Variants in ITGB6 observed in about 807,000 individuals in gnomAD.
The protein encoded by ITGB6 is integrin subunit beta 6.
Under a neutral mutation model 84.5 loss-of-function variants are expected in ITGB6, and 80 were observed. The observed-to-expected ratio is 0.95, with a 90% CI of 0.79 to 1.14. The LOEUF (loss-of-function observed/expected upper bound fraction) is 1.14. ITGB6 is among the 50% of genes most tolerant of loss of function. The probability of loss-of-function intolerance (pLI) is 0.00; values close to 1 mark genes in which losing one functional copy is unlikely to be tolerated. For synonymous variants in ITGB6, 383 were observed against 354.9 expected (o/e 1.08, Z -0.89); for missense variants, 1,006 against 968.0 (o/e 1.04, Z -0.52).
At chr2:160,154,145 G>C (rs1416107646) in intron 7 of ITGB6, among the ~76,000 whole-genome samples, 1 of 152,154 alleles carries the variant, frequency 6.6e-6, no homozygotes, top group Non-Finnish European at 1.5e-5. Context: ...TATGTTTATT[G>C]TGGCACTATT....
chr2:160,176,622 G>A (rs1026433326), intron 4 of ITGB6, among the ~76,000 whole-genome samples: 1 of 152,150 alleles, frequency 6.6e-6, no homozygotes, highest in African/African-American at 2.4e-5. Flanking sequence ...AATACAGCAC[G>A]ATGAGCTTTT....
chr2:160,199,785 A>G (rs1686485215), intron 1 of ITGB6, among the ~76,000 whole-genome samples: 1 of 152,242 alleles, frequency 6.6e-6, no homozygotes, highest in Non-Finnish European at 1.5e-5. Context: ...CCTCATTAAA[A>G]TGCCTGTGCA....
chr2:160,180,600 G>T lies in ITGB6; in HGVS notation c.594-6461C>A, dbSNP rs115078097. ...TGAGACCTTGCAGGAGGTCCTTCAC[G>T]TTAAACTATTTTCACAGTAATTCAG... On this transcript the variant is annotated intron_variant, in intron 4 of 14. Transcript: ENST00000283249. 8.1e-3 allele frequency among the ~76,000 whole-genome samples: 1,228 copies of T among 152,282 alleles called. 28 individuals carry two copies. Among genetic ancestry groups the T allele is most frequent in the African/African-American group, 0.028 (1,166 of 41,552 alleles).
chr2:160,184,139 C>A (rs907693653), intron 4 of ITGB6, among the ~76,000 whole-genome samples: 3 of 152,082 alleles, frequency 2.0e-5, no homozygotes, highest in African/African-American at 7.2e-5. Flanking sequence ...TAGAGCAGAA[C>A]TGAAGGAGAT....
chr2:160,139,697 G>A (rs1412446414), intron 8 of ITGB6, among the ~76,000 whole-genome samples: 1 of 152,102 alleles, frequency 6.6e-6, no homozygotes, highest in Non-Finnish European at 1.5e-5. Context: ...CCCAAGGAAA[G>A]GACATAAACA....
chr2:160,189,201 T>C (rs1409249773), intron 4 of ITGB6, among the ~76,000 whole-genome samples: 2 of 152,166 alleles, frequency 1.3e-5, no homozygotes, highest in African/African-American at 4.8e-5. Context: ...CAAAAATTAA[T>C]TCAAGATGGA....
Position 160,100,596 on chromosome 2 carries a change from T to C in ITGB6, c.*1140A>G, listed in dbSNP as rs1214229970. ...GGAGTAATAACCACAAGAAATAATA[T>C]TCTAGAGTCCATCTCTTCCATCAAC... On this transcript the variant is annotated 3_prime_UTR_variant, in exon 15 of 15. Transcript: ENST00000283249. The C allele has an allele frequency of 2.0e-5, 3 of 151,666 alleles. No homozygotes were observed. The highest frequency in any genetic ancestry group is 4.8e-5 in the African/African-American group (2 of 41,426). The allele number at this position is 151,666 out of a possible 1,614,324, so 9.4% of individuals were successfully genotyped here. A position where few individuals can be genotyped will look rare whatever the true frequency, so the allele number is the denominator to read the frequency against.
At chr2:160,119,038 A>T (rs1338885585) in intron 12 of ITGB6, among the ~76,000 whole-genome samples, 1 of 152,172 alleles carries the variant, frequency 6.6e-6, no homozygotes, top group African/African-American at 2.4e-5. Context: ...ATGGAAGAAC[A>T]TTCCATGCTC....
At chr2:160,178,305 A>T (rs1685517439) in intron 4 of ITGB6, among the ~76,000 whole-genome samples, 1 of 152,238 alleles carries the variant, frequency 6.6e-6, no homozygotes, top group Non-Finnish European at 1.5e-5. Flanking sequence ...GTATGTAATC[A>T]TGTTAGGTAC....
In ITGB6 at chr2:160,195,498, A is replaced by C. The variant is rs1365638497; in HGVS notation, c.464T>G (p.Leu155Arg). The change falls in exon 4 of 15, where the codon CTG (leucine) becomes CGG (arginine). Residue 155 changes from leucine (L) to arginine (R), a missense_variant. By Grantham distance (102) the Leu-to-Arg change is moderately radical. Coordinates refer to ENST00000283249, the MANE Select transcript of ITGB6 (RefSeq NM_000888.5). Reference sequence around the variant, plus strand: ...CATCTCTTTGGAAAGCCGGGAGCCCAGCTCCTTTATTGTGTTGAGGTCGTC... The same window carrying C: ...CATCTCTTTGGAAAGCCGGGAGCCCCGCTCCTTTATTGTGTTGAGGTCGTC... Reference protein sequence around the residue: ...MDDDLNTIKELGSRLSKEMSK... With the variant: ...MDDDLNTIKERGSRLSKEMSK... 6.2e-7 allele frequency: 1 copy of C among 1,614,206 alleles called. No individual in the cohort carries two copies.
intron 7 of ITGB6, among the ~76,000 whole-genome samples, chr2:160,154,945 A>G (rs62175385): frequency 0.22 from 32,831 of 152,160 alleles, 3,826 homozygotes; most frequent in Admixed American, 0.34. Flanking sequence ...TGAATGGATC[A>G]TGGGGTGAAG....
At chr2:160,120,172 T>A (rs934201671) in intron 12 of ITGB6, among the ~76,000 whole-genome samples, 2 of 152,018 alleles carry the variant, frequency 1.3e-5, no homozygotes, top group African/African-American at 4.8e-5. Context: ...ACTGGATATA[T>A]ACCCAAAGGA....
chr2:160,145,942 G>T (rs753231990), intron 7 of ITGB6, among the ~76,000 whole-genome samples: 1 of 152,142 alleles, frequency 6.6e-6, no homozygotes, highest in Non-Finnish European at 1.5e-5. Context: ...TCAGTGTTTC[G>T]TATTAACTGT....
Position 160,178,174 on chromosome 2 carries a change from C to T in ITGB6, c.594-4035G>A, listed in dbSNP as rs138421640. On this transcript the variant is annotated intron_variant, in intron 4 of 14. Transcript: ENST00000283249. Reference sequence around the variant, plus strand: ...ACAGGCGTGCACCACTGTGCCCGGCCAGTTATCTATCTTTGGGCAAGTTAT... The same window carrying T: ...ACAGGCGTGCACCACTGTGCCCGGCTAGTTATCTATCTTTGGGCAAGTTAT... 2.6e-5 allele frequency among the ~76,000 whole-genome samples: 4 copies of T among 152,348 alleles called. No homozygotes were observed. The East Asian group carries it at 7.7e-4, about 29-fold the overall frequency.
intron 7 of ITGB6, among the ~76,000 whole-genome samples, chr2:160,158,692 G>A (rs1241648191): frequency 2.6e-5 from 4 of 152,164 alleles, no homozygotes; most frequent in African/African-American, 4.8e-5. Flanking sequence ...TGAAGGGGAC[G>A]AGAAAATAGC....
intron 4 of ITGB6, among the ~76,000 whole-genome samples, chr2:160,180,891 G>A (rs556947161): frequency 1.4e-4 from 21 of 152,310 alleles, no homozygotes; most frequent in African/African-American, 4.8e-4. Context: ...AAGTGGTCAG[G>A]AACTCCCTCC....
At chr2:160,195,112 G>A (rs1038221281) in intron 4 of ITGB6, among the ~76,000 whole-genome samples, 7 of 152,144 alleles carry the variant, frequency 4.6e-5, no homozygotes, top group African/African-American at 1.7e-4. Context: ...TGCATAACAC[G>A]CATTCTGGTT....
At position 160,128,568 on chromosome 2, in the gene ITGB6, C is replaced by T. The variant is rs1056322761; in HGVS notation, c.1661-1967G>A. 5.3e-5 allele frequency among the ~76,000 whole-genome samples: 8 copies of T among 152,212 alleles called. No individual in the cohort carries two copies. In the East Asian group the frequency reaches 1.5e-3, roughly 29 times the overall value. On this transcript the variant is annotated intron_variant, in intron 10 of 14. Coordinates refer to ENST00000283249, the MANE Select transcript of ITGB6 (RefSeq NM_000888.5). ...GGCAAGAAGATATGAGACCATGAACCAAGGCGGTGCCCATGGGAGCAGCAA... is the reference window on the plus strand; with the variant it reads ...GGCAAGAAGATATGAGACCATGAACTAAGGCGGTGCCCATGGGAGCAGCAA...
chr2:160,111,599 G>GTTT (rs35948673), intron 13 of ITGB6, among the ~76,000 whole-genome samples: 6,984 of 134,410 alleles, frequency 0.052, 649 homozygotes, highest in African/African-American at 0.16. Flanking sequence ...CATCTTAGCT[G>GTTT]TTTTTTTTTT....
Sources: allele counts gnomAD v4.1 joint callset (sites outside exome capture counted in the v4.1 genomes callset), GRCh38; gene constraint gnomAD v4.1.1; transcripts MANE v1.5; gene names NCBI Gene and HGNC (gene_info 2026-07-23, HGNC 2026-07-21).